Variants in SULF1 observed in about 807,000 individuals in gnomAD.
SULF1 encodes the protein sulfatase 1, also known as extracellular sulfatase Sulf-1.
In SULF1, 46 loss-of-function variants were observed where a neutral mutation model predicts 110.5. The ratio of observed to expected loss-of-function variants is 0.42; its 90% confidence interval spans 0.33 to 0.53. The LOEUF (loss-of-function observed/expected upper bound fraction) is 0.53, where lower values mean the gene tolerates loss of function less well. Ranked by LOEUF, SULF1 falls within the 20% of genes least tolerant of loss-of-function variation. The pLI, the probability that SULF1 is intolerant of heterozygous loss-of-function variation, is 0.12. For missense variants in SULF1, 941 were observed against 1,094.2 expected (o/e 0.86, Z 1.98); for synonymous variants, 371 against 387.1 (o/e 0.96, Z 0.49).
chr8:69,623,515 AG>A (rs1263367088), intron 14 of SULF1, among the ~76,000 whole-genome samples: 1 of 152,246 alleles, frequency 6.6e-6, no homozygotes, highest in Non-Finnish European at 1.5e-5. Context: ...ACATAGCAAA[AG>A]CTCAATAAAG....
At chr8:69,539,285 T>A (rs1813696862) in intron 3 of SULF1, among the ~76,000 whole-genome samples, 1 of 152,188 alleles carries the variant, frequency 6.6e-6, no homozygotes, top group South Asian at 2.1e-4. Context: ...TTTTTTTTAG[T>A]CTACCGAATA....
intron 3 of SULF1, among the ~76,000 whole-genome samples, chr8:69,537,483 C>G (rs1367616624): frequency 6.6e-6 from 1 of 152,150 alleles, no homozygotes; most frequent in Non-Finnish European, 1.5e-5. Flanking sequence ...CTTTTGGTTT[C>G]CAAGAGTATA....
chr8:69,644,717 C>CTGCAGTGA (rs1489779583), intron 22 of SULF1, among the ~76,000 whole-genome samples: 2 of 148,654 alleles, frequency 1.3e-5, no homozygotes, highest in African/African-American at 2.5e-5. Context: ...GCCGAGATCA[C>CTGCAGTGA]GCCACTGGAC....
intron 17 of SULF1, 69 bp downstream of exon 17, chr8:69,627,935 G>A (rs900355443): frequency 1.7e-6 from 2 of 1,198,830 alleles, no homozygotes; most frequent in African/African-American, 3.1e-5. Flanking sequence ...CATTAGCACT[G>A]GGCTCATTTT....
At chr8:69,470,160 GT>G (rs1326281551) in intron 1 of SULF1, among the ~76,000 whole-genome samples, 1 of 152,052 alleles carries the variant, frequency 6.6e-6, no homozygotes, top group Admixed American at 6.6e-5. Flanking sequence ...AGGACATCCG[GT>G]TTTTTTTCCC....
chr8:69,610,584 G>A (rs1362653987), intron 13 of SULF1, among the ~76,000 whole-genome samples: 2 of 152,182 alleles, frequency 1.3e-5, no homozygotes, highest in Non-Finnish European at 2.9e-5. Context: ...GGACCACTCA[G>A]CCTTTAAACC....
At chr8:69,503,656 A>G (rs1586244550) in intron 3 of SULF1, among the ~76,000 whole-genome samples, 1 of 152,232 alleles carries the variant, frequency 6.6e-6, no homozygotes, top group African/African-American at 2.4e-5. Context: ...TACCATTCAA[A>G]ATTAACCGTA....
At position 69,659,273 on chromosome 8, in the gene SULF1, A is replaced by C. The variant is rs1477820423; in HGVS notation, c.*738A>C. On this transcript the variant is annotated 3_prime_UTR_variant, in exon 23 of 23. Transcript: ENST00000402687. ...GTGGAGAAGAATCACGAAAAGGAGAAGTCACAGCACCTAGAAGGCAGCGCC... is the reference window on the plus strand; with the variant it reads ...GTGGAGAAGAATCACGAAAAGGAGACGTCACAGCACCTAGAAGGCAGCGCC... The C allele has an allele frequency of 2.2e-6, 1 of 448,866 alleles. No homozygotes were observed. The highest frequency in any genetic ancestry group is 4.5e-6 in the Non-Finnish European group (1 of 223,544). The allele number at this position is 448,866 out of a possible 1,614,324, so 27.8% of individuals were successfully genotyped here. A position where few individuals can be genotyped will look rare whatever the true frequency, so the allele number is the denominator to read the frequency against.
chr8:69,521,271 A>G (rs1812277127), intron 3 of SULF1, among the ~76,000 whole-genome samples: 1 of 152,148 alleles, frequency 6.6e-6, no homozygotes, highest in African/African-American at 2.4e-5. Context: ...TAGGCATGGG[A>G]TACATTACTG....
rs1805610033 is a variant in SULF1, at chr8:69,576,343, A to G, written c.412+134A>G. On this transcript the variant is annotated intron_variant, in intron 6 of 22. Transcript: ENST00000402687. ...ATCAAGTGTTTTTAAACTGCTTGACATCTACCCCAGGGTCTGGGACACAGT... is the reference window on the plus strand; with the variant it reads ...ATCAAGTGTTTTTAAACTGCTTGACGTCTACCCCAGGGTCTGGGACACAGT... The G allele has an allele frequency of 8.8e-6, 9 of 1,017,826 alleles. No homozygotes were observed. The Admixed American group carries it at 9.6e-5, about 11-fold the overall frequency. The allele number at this position is 1,017,826 out of a possible 1,614,324, so 63.0% of individuals were successfully genotyped here.
intron 22 of SULF1, among the ~76,000 whole-genome samples, chr8:69,657,959 T>A (rs1387103649): frequency 6.6e-6 from 1 of 152,172 alleles, no homozygotes; most frequent in Non-Finnish European, 1.5e-5. Context: ...AAGAAATAAA[T>A]CCAGGCATTT....
intron 3 of SULF1, among the ~76,000 whole-genome samples, chr8:69,531,137 A>G (rs1348664153): frequency 6.6e-6 from 1 of 152,150 alleles, no homozygotes; most frequent in Non-Finnish European, 1.5e-5. Context: ...ATTCTGACCC[A>G]CTAAGCTGCC....
chr8:69,533,850 C>T (rs1032878675), intron 3 of SULF1, among the ~76,000 whole-genome samples: 2 of 152,028 alleles, frequency 1.3e-5, no homozygotes, highest in African/African-American at 2.4e-5. Context: ...TTTTTACCTC[C>T]GATCTGTCTT....
intron 13 of SULF1, among the ~76,000 whole-genome samples, chr8:69,609,654 C>T (rs920800259): frequency 1.3e-5 from 2 of 152,230 alleles, no homozygotes; most frequent in African/African-American, 4.8e-5. Context: ...TGAGTACTTT[C>T]TTCCCTGTAA....
chr8:69,610,735 G>A (rs890751739), intron 13 of SULF1, among the ~76,000 whole-genome samples: 2 of 152,328 alleles, frequency 1.3e-5, no homozygotes, highest in Admixed American at 1.3e-4. Context: ...CTCATAAACT[G>A]TATAATACAG....
At chr8:69,582,523 A>C (rs114747097) in intron 6 of SULF1, among the ~76,000 whole-genome samples, 3,550 of 152,212 alleles carry the variant, frequency 0.023, 126 homozygotes, top group African/African-American at 0.079. Flanking sequence ...TGCCACCATT[A>C]TTATTATCAC....
chr8:69,529,138 G>A (rs1272620386), intron 3 of SULF1, among the ~76,000 whole-genome samples: 6 of 152,146 alleles, frequency 3.9e-5, no homozygotes, highest in Non-Finnish European at 7.3e-5. Context: ...ACCTGTGCCA[G>A]GTGTCACAGC....
chr8:69,586,279 G>T, intron 6 of SULF1, 78 bp from the exon 7 acceptor site: 2 of 1,414,924 alleles, frequency 1.4e-6, no homozygotes, highest in Non-Finnish European at 1.9e-6. Flanking sequence ...TCTTTTTCAA[G>T]TCATAATTTT....
chr8:69,528,242 A>C (rs1812837879), intron 3 of SULF1, among the ~76,000 whole-genome samples: 1 of 152,134 alleles, frequency 6.6e-6, no homozygotes, highest in Non-Finnish European at 1.5e-5. Context: ...CTGAATTCAA[A>C]TAGAACGGTA....
Sources: gnomAD v4.1 joint callset for allele counts (sites outside exome capture counted in the v4.1 genomes callset) on GRCh38, gnomAD v4.1.1 for gene constraint, MANE v1.5 for transcripts, NCBI Gene and HGNC (gene_info 2026-07-23, HGNC 2026-07-21) for gene names.